The following DHPS variants were observed in gnomAD, a reference collection of about 807,000 sequenced individuals.
DHPS encodes deoxyhypusine synthase.
DHPS carries 24 observed loss-of-function variants against 38.7 expected under a neutral mutation model. That is an observed-to-expected ratio of 0.62 (90% CI 0.45 to 0.87). DHPS has a LOEUF of 0.87. Ranked by LOEUF, DHPS falls within the 40% of genes least tolerant of loss-of-function variation. The pLI is 0.00. For missense variants in DHPS, 510 were observed against 497.6 expected (o/e 1.02, Z -0.24); for synonymous variants, 250 against 204.4 (o/e 1.22, Z -1.90).
chr19:12,676,794 C>T (rs76002483), intron 7 of DHPS: 6,646 of 406,880 alleles, frequency 0.016, 385 homozygotes, highest in African/African-American at 0.12. Context: ...ACTCCTGGCA[C>T]GGGAGACAAC....
chr19:12,680,826 G>C (rs1449372123), intron 1 of DHPS, among the ~76,000 whole-genome samples: 3 of 141,770 alleles, frequency 2.1e-5, no homozygotes, highest in African/African-American at 8.3e-5. Context: ...GAGCCACCGT[G>C]CCCGGCCTTT....
intron 7 of DHPS, 80 bp from the exon 8 acceptor site, chr19:12,676,222 C>G (rs2024582952): frequency 3.4e-6 from 5 of 1,482,632 alleles, no homozygotes; most frequent in Non-Finnish European, 3.6e-6. Flanking sequence ...CGTAGCCAAA[C>G]AGGCTGAGAG....
intron 5 of DHPS, among the ~76,000 whole-genome samples, chr19:12,679,116 G>A (rs1383335771): frequency 6.6e-6 from 1 of 151,890 alleles, no homozygotes; most frequent in Non-Finnish European, 1.5e-5. Context: ...GGAAACACAG[G>A]GAGACCCCCA....
At chr19:12,677,431 C>A (rs1169662441) in intron 5 of DHPS, 35 bp from the exon 6 acceptor site, 1 of 1,574,484 alleles carries the variant, frequency 6.4e-7, no homozygotes, top group Non-Finnish European at 8.7e-7. Context: ...GGCTGGAGCT[C>A]AGAGCCTCGT....
At position 12,680,266 on chromosome 19, in the gene DHPS, C is replaced by T. The variant is rs757664253; in HGVS notation, c.267G>A (p.Gln89=). The change falls in exon 2 of 9, where the codon CAG becomes CAA. Residue 89 remains glutamine, a synonymous_variant. Transcript: ENST00000210060. ...QDEDQHADLT[Q]SRRPLTSCTI... The stretch of plus-strand genomic sequence containing the variant: ...TGCAGCTGGTAAGTGGGCGGCGGCT[C>T]TGGGTCAGGTCCGCGTGCTGGTCTT... 1.2e-6 allele frequency: 2 copies of T among 1,614,144 alleles called. No individual in the cohort carries two copies. Among genetic ancestry groups the T allele is most frequent in the Non-Finnish European group, 1.7e-6 (2 of 1,180,014 alleles).
downstream of DHPS, among the ~76,000 whole-genome samples, chr19:12,675,347 A>T (rs527629636): frequency 2.0e-5 from 3 of 152,348 alleles, no homozygotes; most frequent in South Asian, 6.2e-4. Flanking sequence ...TGAGGGGCTC[A>T]GTCTGAGGTA....
At chr19:12,677,442 C>A in intron 5 of DHPS, 46 bp from the exon 6 acceptor site, 1 of 1,526,286 alleles carries the variant, frequency 6.6e-7, no homozygotes, top group South Asian at 1.2e-5. Context: ...AGAGCCTCGT[C>A]TCCATGCTGG....
intron 1 of DHPS, among the ~76,000 whole-genome samples, chr19:12,680,757 C>A (rs2024779485): frequency 6.8e-6 from 1 of 147,812 alleles, no homozygotes; most frequent in Non-Finnish European, 1.5e-5. Flanking sequence ...TGGTCTCGAA[C>A]TCCCGACCTC....
At chr19:12,677,007 G>T in intron 7 of DHPS, 101 bp downstream of exon 7, 2 of 1,108,488 alleles carry the variant, frequency 1.8e-6, no homozygotes, top group East Asian at 5.0e-5. Flanking sequence ...CCGGGGAGCA[G>T]GGATCCTGGC....
chr19:12,673,242 T>C, downstream of DHPS: 1 of 1,614,030 alleles, frequency 6.2e-7, no homozygotes, highest in Non-Finnish European at 8.5e-7. Flanking sequence ...GCTGGACTGC[T>C]GCCTGAGCGA....
Position 12,681,834 on chromosome 19 carries a change from T to G in DHPS, c.-68A>C, listed in dbSNP as rs2024830489. The G allele has an allele frequency of 2.2e-6, 3 of 1,391,550 alleles. No homozygotes were observed. The highest frequency in any genetic ancestry group is 2.8e-5 in the African/African-American group (2 of 70,438). The allele number at this position is 1,391,550 out of a possible 1,614,324, so 86.2% of individuals were successfully genotyped here. On this transcript the variant is annotated 5_prime_UTR_variant, in exon 1 of 9. Coordinates refer to ENST00000210060, the MANE Select transcript of DHPS (RefSeq NM_001930.4). Reference sequence around the variant, plus strand: ...GGCTTACGGCGGCCCAGAAACGCGTTAAACCCCGACGCGCGCGTCTCCGCA... The same window carrying G: ...GGCTTACGGCGGCCCAGAAACGCGTGAAACCCCGACGCGCGCGTCTCCGCA...
intron 5 of DHPS, among the ~76,000 whole-genome samples, chr19:12,678,660 T>C (rs1294779802): frequency 6.7e-6 from 1 of 148,722 alleles, no homozygotes; most frequent in African/African-American, 2.5e-5. Flanking sequence ...TCCCAGCTAC[T>C]CAGGAGGGTG....
In DHPS at chr19:12,676,037, C is replaced by T; in HGVS notation, c.994G>A (p.Val332Met). 6.2e-7 allele frequency: 1 copy of T among 1,614,084 alleles called. No homozygotes were observed. The highest frequency in any genetic ancestry group is 1.1e-5 in the South Asian group (1 of 91,084). Residue 332 changes from valine (V) to methionine (M), a missense_variant, in exon 8 of 9, where the codon GTG (valine) becomes ATG (methionine). Physicochemically the swap from Val to Met is conservative, Grantham distance 21. Transcript: ENST00000210060. ...DEAVSWGKIR[V>M]DAQPVKVYAD... The stretch of plus-strand genomic sequence containing the variant: ...CTTACCTTGACGGGCTGTGCATCCA[C>T]CCGGATCTTGCCCCAGGAGACAGCC...
intron 1 of DHPS, among the ~76,000 whole-genome samples, chr19:12,680,742 C>G (rs2024779182): frequency 6.8e-6 from 1 of 146,518 alleles, no homozygotes; most frequent in African/African-American, 2.5e-5. Flanking sequence ...CCATGTTGGT[C>G]AGGCTGGTCT....
At position 12,679,665 on chromosome 19, in the gene DHPS, C is replaced by G. The variant is rs2024732793; in HGVS notation, c.549G>C (p.Leu183=). The G allele has an allele frequency of 1.2e-6, 2 of 1,614,100 alleles. No individual in the cohort carries two copies. The highest frequency in any genetic ancestry group is 1.7e-5 in the Admixed American group (1 of 60,000). ...NENYCKFEDW[L]MPILDQMVME... is the part of the protein sequence containing the mutation. Reference sequence around the variant, plus strand: ...TCACCATCTGGTCCAGAATGGGCATCAGCCAGTCCTCAAACTTGCAGTAAT... The same window carrying G: ...TCACCATCTGGTCCAGAATGGGCATGAGCCAGTCCTCAAACTTGCAGTAAT... Residue 183 remains leucine (L), a synonymous_variant, in exon 4 of 9, where the codon CTG becomes CTC. Coordinates refer to ENST00000210060, the MANE Select transcript of DHPS (RefSeq NM_001930.4).
rs1384236875 is a variant in DHPS at position 12,681,863 on chromosome 19, G to A, written c.-97C>T. 2 of 1,092,674 alleles carry A rather than the reference G, an allele frequency of 1.8e-6. No individual in the cohort carries two copies. The highest frequency in any genetic ancestry group is 2.7e-6 in the Non-Finnish European group (2 of 753,776). 67.7% of individuals were successfully genotyped at this position (1,092,674 alleles called of 1,614,324 possible). ...CCCCGACGCGCGCGTCTCCGCAAGA[G>A]CACAGGAAGTAGGGAACGTGCTTTG... On this transcript the variant is annotated 5_prime_UTR_variant, in exon 1 of 9. Coordinates refer to ENST00000210060, the MANE Select transcript of DHPS (RefSeq NM_001930.4).
intron 7 of DHPS, 93 bp downstream of exon 7, chr19:12,677,015 G>A: frequency 8.4e-7 from 1 of 1,195,250 alleles, no homozygotes; most frequent in Admixed American, 1.8e-5. Context: ...CAGGGATCCT[G>A]GCCTGTCTAG....
At chr19:12,680,095 A>C in intron 2 of DHPS, 66 bp downstream of exon 2, 3 of 1,596,806 alleles carry the variant, frequency 1.9e-6, no homozygotes, top group Non-Finnish European at 2.6e-6. Context: ...CATCTCACTT[A>C]AACGATCAAT....
At position 12,681,490 on chromosome 19, in the gene DHPS, C is replaced by T. The variant is rs1189582147; in HGVS notation, c.207+70G>A. 3.9e-6 allele frequency: 6 copies of T among 1,549,118 alleles called. No individual in the cohort carries two copies. The South Asian group carries it at 4.5e-5, about 12-fold the overall frequency. ...ATCCCCTCCACTGGAAACGCTGCCC[C>T]CGTCTAGTACCGCGTTGGTTCTACA... On this transcript the variant is annotated intron_variant, in intron 1 of 8. Transcript: ENST00000210060.
Sources: gnomAD v4.1 joint callset for allele counts (sites outside exome capture counted in the v4.1 genomes callset) on GRCh38, gnomAD v4.1.1 for gene constraint, MANE v1.5 for transcripts, NCBI Gene and HGNC (gene_info 2026-07-23, HGNC 2026-07-21) for gene names.